The following FALEC variants were observed in gnomAD, a reference collection of about 807,000 sequenced individuals.
The protein encoded by FALEC is focally amplified lncRNA on chromosome 1.
chr1:150,529,067 G>A, the FALEC span, among the ~76,000 whole-genome samples: 4 of 150,484 alleles, frequency 2.7e-5, no homozygotes, highest in African/African-American at 9.8e-5. Context: ...CAGGTGGAGG[G>A]AGAAGCAGGA....
downstream of FALEC, among the ~76,000 whole-genome samples, chr1:150,522,531 G>A (rs1019220421): frequency 7.3e-5 from 11 of 151,380 alleles, no homozygotes; most frequent in African/African-American, 2.4e-4. Flanking sequence ...GCTGAGGCAG[G>A]AGAATCGCTT....
downstream of FALEC, among the ~76,000 whole-genome samples, chr1:150,522,975 A>ATTTTT (rs1560270879): frequency 1.7e-4 from 5 of 28,848 alleles, no homozygotes; most frequent in Non-Finnish European, 2.0e-4. Context: ...ATATATATAT[A>ATTTTT]TATATATATT....
chr1:150,530,636 G>A, the FALEC span, among the ~76,000 whole-genome samples: 8 of 152,250 alleles, frequency 5.3e-5, no homozygotes, highest in Middle Eastern at 3.4e-3. Flanking sequence ...CACTGAAGCC[G>A]TCACAACCCA....
chr1:150,529,038 A>AAAAAAAAAAAAAAAG, the FALEC span, among the ~76,000 whole-genome samples: 1 of 150,930 alleles, frequency 6.6e-6, no homozygotes, highest in Admixed American at 6.7e-5. Flanking sequence ...AAAAAAAAAA[A>AAAAAAAAAAAAAAAG]ATCAAAGGAT....
At chr1:150,516,199 G>T (rs1570890303) in intron 1 of FALEC, 1 of 152,474 alleles carries the variant, frequency 6.6e-6, no homozygotes, top group African/African-American at 2.4e-5. Context: ...GCTGCAGTAA[G>T]ATCGCGCCAC....
chr1:150,532,594 G>A, the FALEC span, among the ~76,000 whole-genome samples: 3,734 of 152,162 alleles, frequency 0.025, 150 homozygotes, highest in African/African-American at 0.085. Flanking sequence ...CGCCTTGGTG[G>A]GACAGAGAAT....
At chr1:150,525,071 C>T in the FALEC span, among the ~76,000 whole-genome samples, 5 of 150,726 alleles carry the variant, frequency 3.3e-5, no homozygotes, top group Admixed American at 6.7e-5. Context: ...CCGAGGCAGG[C>T]GGATCACGAG....
chr1:150,536,652 T>TC, the FALEC span, among the ~76,000 whole-genome samples: 13 of 152,088 alleles, frequency 8.5e-5, no homozygotes, highest in Non-Finnish European at 1.5e-4. Flanking sequence ...TAGCTGGACA[T>TC]GGTGGCAGGA....
At chr1:150,522,979 A>ATTTTTTT (rs1560270901), downstream of FALEC, among the ~76,000 whole-genome samples, 2 of 22,880 alleles carry the variant, frequency 8.7e-5, no homozygotes, top group African/African-American at 2.1e-4. Flanking sequence ...ATATATATAT[A>ATTTTTTT]TATATTTTTT....
chr1:150,519,635 T>A (rs1353271014), downstream of FALEC, among the ~76,000 whole-genome samples: 12 of 151,848 alleles, frequency 7.9e-5, no homozygotes, highest in Non-Finnish European at 1.5e-4. Context: ...GGTGGATGGA[T>A]CATAAGGTCA....
At chr1:150,522,854 T>TATATATATACGTATATATAC (rs1560270590), downstream of FALEC, among the ~76,000 whole-genome samples, 1 of 95,950 alleles carries the variant, frequency 1.0e-5, no homozygotes, top group South Asian at 3.1e-4. Flanking sequence ...TCTCTCTCTA[T>TATATATATACGTATATATAC]ATATATATAT....
At chr1:150,534,274 T>C in the FALEC span, among the ~76,000 whole-genome samples, 8 of 152,204 alleles carry the variant, frequency 5.3e-5, no homozygotes, top group Non-Finnish European at 1.2e-4. Context: ...TGCACTGCTC[T>C]GCAAGAGACT....
At chr1:150,518,588 A>T (rs1035433663), downstream of FALEC, among the ~76,000 whole-genome samples, 2 of 151,318 alleles carry the variant, frequency 1.3e-5, no homozygotes, top group South Asian at 4.2e-4. Context: ...GGGTTTCTCC[A>T]TGTCGTTCAG....
At chr1:150,534,584 C>T in the FALEC span, among the ~76,000 whole-genome samples, 1 of 152,106 alleles carries the variant, frequency 6.6e-6, no homozygotes, top group Non-Finnish European at 1.5e-5. Flanking sequence ...TGGCTCAAGC[C>T]TGTAATCCCA....
downstream of FALEC, among the ~76,000 whole-genome samples, chr1:150,520,783 C>CTTTTTTTTTTTTTTTTTTTTTTTTTTT (rs71086518): frequency 3.3e-4 from 14 of 42,822 alleles, 1 homozygote; most frequent in Non-Finnish European, 4.7e-4. Flanking sequence ...CTTTTCTTTT[C>CTTTTTTTTTTTTTTTTTTTTTTTTTTT]TTTTTTTTTT....
chr1:150,529,173 G>C, the FALEC span, among the ~76,000 whole-genome samples: 1 of 152,216 alleles, frequency 6.6e-6, no homozygotes, highest in African/African-American at 2.4e-5. Flanking sequence ...AGAAGGGTTG[G>C]AATGACCATT....
chr1:150,534,538 G>A, the FALEC span, among the ~76,000 whole-genome samples: 2 of 152,100 alleles, frequency 1.3e-5, no homozygotes, highest in Non-Finnish European at 2.9e-5. Flanking sequence ...AGGAGATGGA[G>A]GCTGAGATAG....
chr1:150,524,370 G>C, the FALEC span, among the ~76,000 whole-genome samples: 8 of 151,976 alleles, frequency 5.3e-5, no homozygotes, highest in South Asian at 2.1e-4. Flanking sequence ...AAAAATCTCA[G>C]GCTTCCACAG....
intron 1 of FALEC, chr1:150,517,761 G>C (rs587669500): frequency 1.3e-5 from 2 of 152,354 alleles, no homozygotes; most frequent in East Asian, 3.9e-4. Context: ...CCCTGTCTAT[G>C]GTACTTCACA....
Sources: allele counts gnomAD v4.1 joint callset (sites outside exome capture counted in the v4.1 genomes callset), GRCh38; gene constraint gnomAD v4.1.1; transcripts MANE v1.5; gene names NCBI Gene and HGNC (gene_info 2026-07-23, HGNC 2026-07-21).